SP140L: variants seen among roughly 807,000 people sequenced by gnomAD.
The protein encoded by SP140L is SP140 like nuclear body protein.
SP140L carries 64 observed loss-of-function variants against 84.3 expected under a neutral mutation model. That is an observed-to-expected ratio of 0.76 (90% confidence interval 0.62 to 0.94). The LOEUF (loss-of-function observed/expected upper bound fraction) is 0.94. Among genes scored for constraint, SP140L ranks in the 40% least tolerant of loss-of-function variants. SP140L has a pLI of 0.00. For synonymous variants in SP140L, 242 were observed against 236.9 expected, an observed-to-expected ratio of 1.02 and a Z score of -0.20; for missense variants, 628 against 692.5, an observed-to-expected ratio of 0.91 and a Z score of 1.05.
intron 14 of SP140L, 28 bp downstream of exon 14, chr2:230,396,826 C>T (rs2062072099): frequency 1.9e-6 from 3 of 1,611,118 alleles, no homozygotes; most frequent in Non-Finnish European, 2.5e-6. Context: ...ACTACAACCC[C>T]CAGAATATTC....
chr2:230,375,649 G>C (rs1194979059), intron 7 of SP140L, among the ~76,000 whole-genome samples: 2 of 152,280 alleles, frequency 1.3e-5, no homozygotes, highest in East Asian at 3.9e-4. Flanking sequence ...TGGATGGTTA[G>C]TGATATTGAG....
intron 2 of SP140L, among the ~76,000 whole-genome samples, chr2:230,357,329 T>C (rs2060578848): frequency 6.6e-6 from 1 of 152,186 alleles, no homozygotes; most frequent in Non-Finnish European, 1.5e-5. Flanking sequence ...TATATGATGG[T>C]ATTTCCTTCC....
intron 2 of SP140L, among the ~76,000 whole-genome samples, chr2:230,345,233 C>T (rs1347237394): frequency 2.6e-5 from 4 of 152,172 alleles, no homozygotes; most frequent in Non-Finnish European, 4.4e-5. Flanking sequence ...GAATTGGCCC[C>T]TTTATCCTTA....
intron 7 of SP140L, among the ~76,000 whole-genome samples, chr2:230,377,484 G>A (rs13012615): frequency 0.23 from 34,985 of 152,092 alleles, 4,262 homozygotes; most frequent in Non-Finnish European, 0.28. Context: ...TAGTTACTCT[G>A]TTTTTCATCG....
At chr2:230,394,534 G>A (rs755323984) in intron 13 of SP140L, among the ~76,000 whole-genome samples, 1 of 152,166 alleles carries the variant, frequency 6.6e-6, no homozygotes, top group Non-Finnish European at 1.5e-5. Flanking sequence ...AAACTATGAT[G>A]TCACCTATTC....
In SP140L at chr2:230,389,960, C is replaced by T; in HGVS notation, c.901C>T (p.Pro301Ser). The T allele has an allele frequency of 1.2e-6, 2 of 1,613,796 alleles. No homozygotes were observed. Among genetic ancestry groups the T allele is most frequent in the East Asian group, 2.2e-5 (1 of 44,876 alleles). ...HKDETVDFQA[P>S]LLPVTCGGVK... ...AGATGAAACTGTGGATTTTCAGGCTCCTTTACTTCCAGTGACCTGTGGTGG... is the reference window on the plus strand; with the variant it reads ...AGATGAAACTGTGGATTTTCAGGCTTCTTTACTTCCAGTGACCTGTGGTGG... Residue 301 changes from proline to serine, a missense_variant, in exon 11 of 19, where the codon CCT becomes TCT. By Grantham distance (74) the Pro-to-Ser change is moderately conservative (BLOSUM62 -1). Around this residue, in one of 4 missense-constraint regions of SP140L, gnomAD observed 525 missense variants for 518.4 expected, o/e 1.01. Transcript: ENST00000415673.
At chr2:230,381,495 C>T (rs1490802989) in intron 7 of SP140L, among the ~76,000 whole-genome samples, 1 of 152,130 alleles carries the variant, frequency 6.6e-6, no homozygotes, top group Non-Finnish European at 1.5e-5. Context: ...AAGACACTAC[C>T]CCATCAGCCA....
intron 1 of SP140L, among the ~76,000 whole-genome samples, chr2:230,328,516 C>G (rs1265187594): frequency 1.3e-5 from 2 of 152,362 alleles, no homozygotes; most frequent in East Asian, 3.9e-4. Context: ...ACTCTTTTTA[C>G]ATATACTATT....
intron 2 of SP140L, among the ~76,000 whole-genome samples, chr2:230,341,581 T>C (rs1424461427): frequency 1.3e-5 from 2 of 150,860 alleles, no homozygotes; most frequent in East Asian, 1.9e-4. Context: ...CTTTTTAGAG[T>C]TTCCAGTTTT....
chr2:230,377,118 C>T (rs1046908502), intron 7 of SP140L, among the ~76,000 whole-genome samples: 1 of 152,186 alleles, frequency 6.6e-6, no homozygotes, highest in South Asian at 2.1e-4. Flanking sequence ...ATTTCCATCA[C>T]CCCAAAGTCC....
At chr2:230,365,759 GT>G (rs1364710071) in intron 5 of SP140L, among the ~76,000 whole-genome samples, 1 of 151,808 alleles carries the variant, frequency 6.6e-6, no homozygotes, top group Non-Finnish European at 1.5e-5. Context: ...TGATGTAGGT[GT>G]TTATTGCTAC....
intron 11 of SP140L, 37 bp downstream of exon 11, chr2:230,390,060 T>C (rs1559455161): frequency 1.4e-5 from 21 of 1,532,450 alleles, no homozygotes; most frequent in Middle Eastern, 1.7e-4. Flanking sequence ...GCAGCTCCTA[T>C]CTGAAGGCAT....
At chr2:230,369,207 C>G (rs905410362) in intron 5 of SP140L, among the ~76,000 whole-genome samples, 4 of 152,184 alleles carry the variant, frequency 2.6e-5, no homozygotes, top group African/African-American at 9.7e-5. Context: ...GTGGGCAGGT[C>G]TATGCTGGGG....
At chr2:230,328,979 G>T in intron 2 of SP140L, 148 bp downstream of exon 2, 1 of 1,285,876 alleles carries the variant, frequency 7.8e-7, no homozygotes, top group Non-Finnish European at 1.0e-6. Context: ...TGAGGTGTTT[G>T]TCTTTTTTTC....
At chr2:230,377,743 C>T (rs541384962) in intron 7 of SP140L, among the ~76,000 whole-genome samples, 52 of 152,270 alleles carry the variant, frequency 3.4e-4, no homozygotes, top group African/African-American at 1.2e-3. Flanking sequence ...TGATTATGCC[C>T]TCTTGCATTC....
Position 230,400,951 on chromosome 2 carries a change from T to C in SP140L, c.1314-4T>C. On this transcript the variant is annotated splice_region_variant and splice_polypyrimidine_tract_variant and intron_variant, in intron 15 of 18. Coordinates refer to ENST00000415673, the MANE Select transcript of SP140L (RefSeq NM_138402.6). ...CCTCTGCTCACCCATGTCCAATCTC[T>C]CAGGACCCCGTGGAATTGCATCTTC... The C allele has an allele frequency of 6.6e-7, 1 of 1,506,240 alleles. No homozygotes were observed. Among genetic ancestry groups the C allele is most frequent in the Non-Finnish European group, 9.0e-7 (1 of 1,108,466 alleles). 93.3% of individuals were successfully genotyped at this position (1,506,240 alleles called of 1,614,324 possible).
intron 2 of SP140L, among the ~76,000 whole-genome samples, chr2:230,333,772 C>A (rs936490216): frequency 6.6e-6 from 1 of 151,466 alleles, no homozygotes; most frequent in African/African-American, 2.4e-5. Context: ...TTTTTCTTGA[C>A]AATCTTGTAT....
At position 230,371,607 on chromosome 2, in the gene SP140L, A is replaced by G; in HGVS notation, c.593A>G (p.Asp198Gly). ...ACTTGTTATTTTCTAGATACTGTGG[A>G]TATTGCAAACAACTCTACTTTGGGA... ...DQACGKMDTV[D>G]IANNSTLGKP... The change falls in exon 7 of 19, where the codon GAT becomes GGT. Residue 198 changes from aspartate (D) to glycine (G), a missense_variant. Physicochemically the swap from Asp to Gly is moderately conservative, Grantham distance 94. Around this residue, in one of 4 missense-constraint regions of SP140L, gnomAD observed 525 missense variants for 518.4 expected, o/e 1.01. Coordinates refer to ENST00000415673, the MANE Select transcript of SP140L (RefSeq NM_138402.6). The G allele has an allele frequency of 1.9e-6, 3 of 1,604,546 alleles. No homozygotes were observed. Among genetic ancestry groups the G allele is most frequent in the Non-Finnish European group, 2.6e-6 (3 of 1,173,946 alleles).
chr2:230,358,936 G>T, intron 3 of SP140L, 28 bp from the exon 4 acceptor site: 1 of 1,538,062 alleles, frequency 6.5e-7, no homozygotes, highest in Non-Finnish European at 8.7e-7. Context: ...GTCTGTATTT[G>T]TATTTTCTCC....
Sources: gnomAD v4.1 joint callset for allele counts (sites outside exome capture counted in the v4.1 genomes callset) on GRCh38, gnomAD v4.1.1 for gene constraint, gnomAD v4.1.1 regional missense constraint, MANE v1.5 for transcripts, NCBI Gene and HGNC (gene_info 2026-07-23, HGNC 2026-07-21) for gene names.